The following FMN1 variants were observed in gnomAD, a reference collection of about 807,000 sequenced individuals.
FMN1 encodes formin-1.
FMN1 carries 110 observed loss-of-function variants against 132.4 expected under a neutral mutation model. The ratio of observed to expected loss-of-function variants is 0.83; its 90% CI spans 0.71 to 0.97. The LOEUF (loss-of-function observed/expected upper bound fraction) is 0.97. FMN1 is among the 50% of genes least tolerant of loss of function. The pLI, the probability that FMN1 is intolerant of heterozygous loss-of-function variation, is 0.00. For synonymous variants in FMN1, 722 were observed against 651.7 expected, an observed-to-expected ratio of 1.11 and a Z score of -1.64; for missense variants, 1,792 against 1,705.3, an observed-to-expected ratio of 1.05 and a Z score of -0.90.
At chr15:32,904,315 T>C (rs915931906) in intron 12 of FMN1, among the ~76,000 whole-genome samples, 13 of 152,184 alleles carry the variant, frequency 8.5e-5, no homozygotes, top group Non-Finnish European at 1.6e-4. Context: ...GAATGGTATC[T>C]GTGGGGGAAG....
chr15:32,979,927 A>G (rs2032516115), intron 7 of FMN1, among the ~76,000 whole-genome samples: 1 of 152,204 alleles, frequency 6.6e-6, no homozygotes, highest in Non-Finnish European at 1.5e-5. Context: ...TTACTTAAAC[A>G]AATGACCGAT....
At chr15:32,842,527 T>A (rs1209358367) in intron 17 of FMN1, among the ~76,000 whole-genome samples, 2 of 152,228 alleles carry the variant, frequency 1.3e-5, no homozygotes, top group East Asian at 3.8e-4. Context: ...AATTATAAAA[T>A]ATCCACTGGC....
chr15:32,811,236 CTAAGT>C (rs1359929069), intron 17 of FMN1: 2 of 370,206 alleles, frequency 5.4e-6, no homozygotes, highest in Admixed American at 3.4e-5. Flanking sequence ...GCTGGTCTTC[CTAAGT>C]TATTAGTTTT....
At chr15:33,108,132 GGT>G (rs903803986) in intron 4 of FMN1, among the ~76,000 whole-genome samples, 1 of 151,866 alleles carries the variant, frequency 6.6e-6, no homozygotes, top group Non-Finnish European at 1.5e-5. Flanking sequence ...ATGGTGGTGG[GGT>G]GTGTGTGTGT....
intron 6 of FMN1, among the ~76,000 whole-genome samples, chr15:33,030,279 G>A (rs192705517): frequency 6.6e-6 from 1 of 152,370 alleles, no homozygotes; most frequent in Admixed American, 6.5e-5. Context: ...GGAGAGGCCG[G>A]AATTTGGAAT....
At position 32,969,441 on chromosome 15, in the gene FMN1, C is replaced by T. The variant is rs771802180; in HGVS notation, c.2260G>A (p.Glu754Lys). 35 of 1,613,740 alleles carry T rather than the reference C, an allele frequency of 2.2e-5. No individual in the cohort carries two copies. The highest frequency in any genetic ancestry group is 2.6e-5 in the Non-Finnish European group (31 of 1,179,862). Residue 754 changes from glutamate (E) to lysine (K), a missense_variant, in exon 8 of 21, where the codon GAG becomes AAG. This residue lies in a region of FMN1 where 1,150 missense variants were observed against 1,043.1 expected (regional missense o/e 1.10). Coordinates refer to ENST00000616417, the MANE Select transcript of FMN1 (RefSeq NM_001277313.2). ...FELRAFHIRG[E>K]HAMITARLEE... Reference sequence around the variant, plus strand: ...AGTCTCGCTGTTATCATTGCATGCTCGCCCCGGATATGAAATGCCCGAAGT... The same window carrying T: ...AGTCTCGCTGTTATCATTGCATGCTTGCCCCGGATATGAAATGCCCGAAGT...
chr15:32,959,306 C>T (rs969219554), intron 9 of FMN1, among the ~76,000 whole-genome samples: 1 of 152,118 alleles, frequency 6.6e-6, no homozygotes, highest in African/African-American at 2.4e-5. Context: ...CTTTCATTTT[C>T]AAGAGGAAAG....
At chr15:33,048,965 G>C (rs1304847556) in intron 6 of FMN1, among the ~76,000 whole-genome samples, 1 of 152,176 alleles carries the variant, frequency 6.6e-6, no homozygotes, top group Non-Finnish European at 1.5e-5. Context: ...TTTAGTAAAA[G>C]ATTAAAAGAA....
chr15:33,075,427 C>T (rs1333585122), intron 5 of FMN1, among the ~76,000 whole-genome samples: 1 of 152,184 alleles, frequency 6.6e-6, no homozygotes, highest in Non-Finnish European at 1.5e-5. Context: ...ATACAACACA[C>T]CTCCGCATGC....
At chr15:32,892,551 AT>A (rs1472288031) in intron 15 of FMN1, among the ~76,000 whole-genome samples, 1 of 152,106 alleles carries the variant, frequency 6.6e-6, no homozygotes, top group African/African-American at 2.4e-5. Flanking sequence ...TGATTTTGGT[AT>A]TAGGGTGACG....
chr15:32,780,470 T>C (rs1033278549), intron 19 of FMN1, among the ~76,000 whole-genome samples: 13 of 152,196 alleles, frequency 8.5e-5, no homozygotes, highest in Admixed American at 7.9e-4. Flanking sequence ...AAGGGAGGCA[T>C]GAATAATCTA....
intron 9 of FMN1, among the ~76,000 whole-genome samples, chr15:32,957,298 C>CT (rs869111673): frequency 0.085 from 7,171 of 83,906 alleles, 1,184 homozygotes; most frequent in Non-Finnish European, 0.099. Flanking sequence ...CAGAGCAGTT[C>CT]TTTTTTTTTT....
chr15:33,083,642 T>C (rs1219905087), intron 5 of FMN1, among the ~76,000 whole-genome samples: 1 of 152,160 alleles, frequency 6.6e-6, no homozygotes, highest in East Asian at 1.9e-4. Flanking sequence ...CCTTTAAAAA[T>C]ATCCTTTGTA....
intron 7 of FMN1, among the ~76,000 whole-genome samples, chr15:32,984,142 T>C (rs762236021): frequency 3.9e-5 from 6 of 152,086 alleles, no homozygotes; most frequent in Admixed American, 1.3e-4. Flanking sequence ...TCTGCTTTTA[T>C]AAGAAAAAAA....
chr15:32,984,993 A>G (rs1184597744), intron 7 of FMN1, among the ~76,000 whole-genome samples: 1 of 150,152 alleles, frequency 6.7e-6, no homozygotes, highest in East Asian at 1.9e-4. Flanking sequence ...AAAAAAAAAA[A>G]AAAAAAAGAA....
chr15:32,866,714 G>T (rs940009889), intron 16 of FMN1, among the ~76,000 whole-genome samples: 1 of 152,026 alleles, frequency 6.6e-6, no homozygotes, highest in African/African-American at 2.4e-5. Context: ...CCTCCCCATT[G>T]TGACACTGAG....
intron 9 of FMN1, among the ~76,000 whole-genome samples, chr15:32,933,163 G>A (rs192150136): frequency 6.6e-6 from 1 of 151,946 alleles, no homozygotes; most frequent in Non-Finnish European, 1.5e-5. Context: ...CATATGTTTT[G>A]GTATGTTGTA....
intron 17 of FMN1, among the ~76,000 whole-genome samples, chr15:32,825,165 T>C (rs1024050324): frequency 6.6e-6 from 1 of 152,262 alleles, no homozygotes; most frequent in Non-Finnish European, 1.5e-5. Flanking sequence ...CCTGAGCTAC[T>C]TCAGTAACTT....
At chr15:33,150,458 G>A (rs1964398438) in intron 4 of FMN1, 9 of 985,398 alleles carry the variant, frequency 9.1e-6, no homozygotes, top group East Asian at 1.1e-4. Context: ...TCACCACTAT[G>A]TGGTGATAAT....
Sources: allele counts gnomAD v4.1 joint callset (sites outside exome capture counted in the v4.1 genomes callset), GRCh38; gene constraint gnomAD v4.1.1; regional missense constraint gnomAD v4.1.1; transcripts MANE v1.5; gene names NCBI Gene and HGNC (gene_info 2026-07-23, HGNC 2026-07-21).